The following PSG6 variants were observed in gnomAD, a reference collection of about 807,000 sequenced individuals.
PSG6 encodes the protein pregnancy-specific beta-1-glycoprotein 6.
PSG6 carries 51 observed loss-of-function variants against 43.3 expected under a neutral mutation model. That is an observed-to-expected ratio of 1.18 (90% CI 0.94 to 1.49). PSG6 has a LOEUF of 1.49. PSG6 is among the 40% of genes most tolerant of loss of function. The probability of loss-of-function intolerance (pLI) is 0.00; values close to 1 mark genes in which losing one functional copy is unlikely to be tolerated. For synonymous variants in PSG6, 292 were observed against 197.6 expected, an observed-to-expected ratio of 1.48 and a Z score of -4.01; for missense variants, 770 against 522.2, an observed-to-expected ratio of 1.47 and a Z score of -4.62.
chr19:42,905,775 G>A (rs953966036), intron 5 of PSG6, among the ~76,000 whole-genome samples: 10 of 151,572 alleles, frequency 6.6e-5, no homozygotes, highest in African/African-American at 2.4e-4. Context: ...GTGCAAAATG[G>A]ATGAACCTTG....
intron 2 of PSG6, among the ~76,000 whole-genome samples, chr19:42,913,586 A>G (rs1972268169): frequency 6.6e-6 from 1 of 151,744 alleles, no homozygotes; most frequent in Non-Finnish European, 1.5e-5. Flanking sequence ...GGAGAATGTG[A>G]GCTCCATAGC....
intron 3 of PSG6, 111 bp downstream of exon 3, chr19:42,910,467 GTT>G (rs1568444625): frequency 6.2e-6 from 10 of 1,610,278 alleles, no homozygotes; most frequent in Non-Finnish European, 8.5e-6. Flanking sequence ...CAGCTTTGAT[GTT>G]CAGGGATAAA....
At position 42,902,530 on chromosome 19, in the gene PSG6, C is replaced by T; in HGVS notation, c.1241-84G>A. Reference sequence around the variant, plus strand: ...AAGCTTCTTTCCCACAGGCTCCCAGCAAGGGTGTGAAAGCAAGTCTAGTTC... The same window carrying T: ...AAGCTTCTTTCCCACAGGCTCCCAGTAAGGGTGTGAAAGCAAGTCTAGTTC... On this transcript the variant is annotated intron_variant, in intron 5 of 5. Coordinates refer to ENST00000187910, the MANE Select transcript of PSG6 (RefSeq NM_001031850.4). 12 of 1,565,324 alleles carry T rather than the reference C, an allele frequency of 7.7e-6. No individual in the cohort carries two copies. In the South Asian group the frequency reaches 1.1e-4, roughly 14 times the overall value.
chr19:42,913,078 C>A (rs1009484126), intron 2 of PSG6, among the ~76,000 whole-genome samples: 8 of 151,658 alleles, frequency 5.3e-5, no homozygotes, highest in African/African-American at 1.7e-4. Context: ...TTTCTATTGA[C>A]ACATTCTCAA....
At position 42,902,421 on chromosome 19, in the gene PSG6, C is replaced by A; in HGVS notation, c.1266G>T (p.Glu422Asp). 1 of 1,611,146 alleles carries A rather than the reference C, an allele frequency of 6.2e-7. No homozygotes were observed. ...TCTATTGTGGCAGCCATTAATGAGA[C>A]TCTGTCTGGTTTCCATGGCAGGGAC... ...VSGPCHGNQT[E>D]SH Residue 422 changes from glutamate (E) to aspartate (D), a missense_variant, in exon 6 of 6, where the codon GAG becomes GAT. By Grantham distance (45) the Glu-to-Asp change is conservative (BLOSUM62 2). Transcript: ENST00000187910.
rs1174497392 is a variant in PSG6 at position 42,915,067 on chromosome 19, T to C, written c.427+1058A>G. Among the ~76,000 whole-genome samples, 11 of 151,704 alleles carry C rather than the reference T, an allele frequency of 7.3e-5. No homozygotes were observed. In the East Asian group the frequency reaches 2.1e-3, roughly 30 times the overall value. On this transcript the variant is annotated intron_variant, in intron 2 of 5. Coordinates refer to ENST00000187910, the MANE Select transcript of PSG6 (RefSeq NM_001031850.4). ...GAGGATTTGAGTCAATAAATGACTA[T>C]GGGGTCCTTGGAACCCAGTAAGCCC...
At chr19:42,908,979 G>A (rs1972169514) in intron 3 of PSG6, among the ~76,000 whole-genome samples, 1 of 151,604 alleles carries the variant, frequency 6.6e-6, no homozygotes, top group Non-Finnish European at 1.5e-5. Flanking sequence ...CTGCTGTAGA[G>A]CTTGATGCCT....
intron 2 of PSG6, chr19:42,915,869 T>C: frequency 1.7e-6 from 1 of 586,688 alleles, no homozygotes; most frequent in South Asian, 3.0e-5. Flanking sequence ...CTGAGACTGA[T>C]CTCCTCCTGC....
intron 5 of PSG6, 161 bp downstream of exon 5, chr19:42,906,761 A>G (rs1371668495): frequency 7.6e-6 from 12 of 1,578,150 alleles, no homozygotes; most frequent in South Asian, 1.2e-5. Context: ...AGCAGAAGAG[A>G]GTCTGTAGAG....
rs369475020 is a variant in PSG6 at position 42,906,225 on chromosome 19, T to C, written c.1240+697A>G. 1.7e-4 allele frequency among the ~76,000 whole-genome samples: 26 copies of C among 151,676 alleles called. 1 individual carries two copies. In the East Asian group the frequency reaches 2.9e-3, roughly 17 times the overall value. ...TGCTGTGCCCAAAGCCTCATACAGC[T>C]GGTGACTTCAGAGCCAGGATGCAGC... is the stretch of plus-strand genomic sequence containing the variant. On this transcript the variant is annotated intron_variant, in intron 5 of 5. Coordinates refer to ENST00000187910, the MANE Select transcript of PSG6 (RefSeq NM_001031850.4).
At chr19:42,908,392 T>G (rs1972158925) in intron 3 of PSG6, among the ~76,000 whole-genome samples, 2 of 151,334 alleles carry the variant, frequency 1.3e-5, no homozygotes, top group African/African-American at 4.9e-5. Flanking sequence ...AAGACCAGAG[T>G]CAAGCCTGTA....
chr19:42,917,529 A>G (rs536815690), intron 1 of PSG6, among the ~76,000 whole-genome samples, 200 bp downstream of exon 1: 2 of 150,520 alleles, frequency 1.3e-5, no homozygotes, highest in African/African-American at 4.9e-5. Flanking sequence ...TACTTGGTTA[A>G]TTTTTTGTAT....
In PSG6 at chr19:42,906,984, C is replaced by G. The variant is rs1387137710; in HGVS notation, c.1178G>C (p.Cys393Ser). Residue 393 changes from cysteine to serine, a missense_variant, in exon 5 of 6, where the codon TGC becomes TCC. By Grantham distance (112) the Cys-to-Ser change is moderately radical. Coordinates refer to ENST00000187910, the MANE Select transcript of PSG6 (RefSeq NM_001031850.4). ...ITTNHSGLYA[C>S]SVRNSATGKE... ...GCCAGTGGCTGAGTTACGAACAGAG[C>G]AAGCATAGAGCCCGCTATGATTTGT... is the stretch of plus-strand genomic sequence containing the variant. 3 of 1,612,284 alleles carry G rather than the reference C, an allele frequency of 1.9e-6. No individual in the cohort carries two copies. Among genetic ancestry groups the G allele is most frequent in the African/African-American group, 2.7e-5 (2 of 74,702 alleles).
intron 5 of PSG6, chr19:42,903,636 T>A: frequency 6.6e-7 from 1 of 1,513,052 alleles, no homozygotes; most frequent in Non-Finnish European, 8.9e-7. Flanking sequence ...CATGTTTTAA[T>A]CCTAGCACTT....
intron 5 of PSG6, among the ~76,000 whole-genome samples, chr19:42,905,692 G>T (rs1049051695): frequency 6.6e-6 from 1 of 151,504 alleles, no homozygotes; most frequent in South Asian, 2.1e-4. Context: ...AAGATAAGTG[G>T]GTAGGCAAAT....
rs541293026 is a variant in PSG6, at chr19:42,910,437, C to G, written c.706+143G>C. On this transcript the variant is annotated intron_variant, in intron 3 of 5. Transcript: ENST00000187910. ...CAAGCCTAGGCCTACTCTGGTTTGC[C>G]TGGAGCAGAAAGTCATGGCCAGCTT... The G allele has an allele frequency of 1.6e-5, 26 of 1,599,508 alleles. No individual in the cohort carries two copies. The African/African-American group carries it at 3.2e-4, about 20-fold the overall frequency.
rs1972336522 is a variant in PSG6 at position 42,916,475 on chromosome 19, T to A, written c.77A>T (p.Asn26Ile). 6.2e-7 allele frequency: 1 copy of A among 1,610,436 alleles called. No individual in the cohort carries two copies. Among genetic ancestry groups the A allele is most frequent in the Non-Finnish European group, 8.5e-7 (1 of 1,178,316 alleles). The change falls in exon 2 of 6, where the codon AAC becomes ATC. Residue 26 changes from asparagine (N) to isoleucine (I), a missense_variant. Transcript: ENST00000187910. ...GGCAGTGGTGGGCAGGTTCCAGAAG[T>A]TTAAAAGTGATGCTAGGAGGTAGAG... ...KGLLLTASLL[N>I]FWNLPTTAQV...
At chr19:42,913,226 C>G (rs1249250567) in intron 2 of PSG6, among the ~76,000 whole-genome samples, 1 of 151,596 alleles carries the variant, frequency 6.6e-6, no homozygotes, top group Non-Finnish European at 1.5e-5. Flanking sequence ...TCTCAGCTCA[C>G]TGCAAGCTCC....
intron 1 of PSG6, 72 bp from the exon 2 acceptor site, chr19:42,916,559 C>A: frequency 6.5e-7 from 1 of 1,528,862 alleles, no homozygotes; most frequent in Non-Finnish European, 8.8e-7. Context: ...GCCCTGTGTC[C>A]TGAGAAGGTC....
Sources: gnomAD v4.1 joint callset for allele counts (sites outside exome capture counted in the v4.1 genomes callset) on GRCh38, gnomAD v4.1.1 for gene constraint, MANE v1.5 for transcripts, NCBI Gene and HGNC (gene_info 2026-07-23, HGNC 2026-07-21) for gene names.